JARID2: variants seen among roughly 807,000 people sequenced by gnomAD.
The protein encoded by JARID2 is jumonji and AT-rich interaction domain containing 2, also known as protein Jumonji.
JARID2 carries 21 observed loss-of-function variants against 125.6 expected under a neutral mutation model. The observed-to-expected ratio is 0.17, with a 90% confidence interval of 0.12 to 0.24. The LOEUF is 0.24. Ranked by LOEUF, JARID2 falls within the 10% of genes least tolerant of loss-of-function variation. JARID2 has a pLI of 1.00. For missense variants in JARID2, 1,303 were observed against 1,639.6 expected (o/e 0.79, Z 3.55); for synonymous variants, 736 against 661.6 (o/e 1.11, Z -1.73).
intron 8 of JARID2, among the ~76,000 whole-genome samples, chr6:15,503,369 A>G (rs1241437165): frequency 1.3e-5 from 2 of 152,202 alleles, no homozygotes; most frequent in Admixed American, 6.5e-5. Flanking sequence ...AACCCCATCT[A>G]GTTCCTTTGC....
chr6:15,393,732 A>G (rs927895367), intron 2 of JARID2, among the ~76,000 whole-genome samples: 1 of 152,232 alleles, frequency 6.6e-6, no homozygotes, highest in Non-Finnish European at 1.5e-5. Flanking sequence ...GATTACTGGT[A>G]TATTGGGACT....
At chr6:15,271,313 G>A (rs1205059542) in intron 1 of JARID2, among the ~76,000 whole-genome samples, 1 of 152,180 alleles carries the variant, frequency 6.6e-6, no homozygotes, top group African/African-American at 2.4e-5. Context: ...CAGGACTGAA[G>A]TGGGGCCTAG....
chr6:15,517,462 T>G (rs954858746), intron 17 of JARID2, among the ~76,000 whole-genome samples, 194 bp downstream of exon 17: 4 of 152,208 alleles, frequency 2.6e-5, no homozygotes, highest in Non-Finnish European at 4.4e-5. Flanking sequence ...GCGGGGTTCC[T>G]GCACGGGCAT....
intron 5 of JARID2, among the ~76,000 whole-genome samples, chr6:15,475,573 C>T (rs1339424292): frequency 1.3e-5 from 2 of 152,246 alleles, no homozygotes; most frequent in African/African-American, 2.4e-5. Flanking sequence ...GACAAGGCAC[C>T]TGAGCCAGGC....
At chr6:15,441,691 C>T (rs993488281) in intron 3 of JARID2, among the ~76,000 whole-genome samples, 6 of 152,162 alleles carry the variant, frequency 3.9e-5, no homozygotes, top group Admixed American at 2.6e-4. Context: ...AGGACCTCAC[C>T]TACCGCACAA....
chr6:15,516,223 G>A (rs1042621688), intron 16 of JARID2, among the ~76,000 whole-genome samples: 9 of 152,138 alleles, frequency 5.9e-5, no homozygotes, highest in African/African-American at 1.9e-4. Flanking sequence ...TAGAAACACC[G>A]CAGACGAAAA....
chr6:15,430,175 A>G (rs538225811), intron 3 of JARID2, among the ~76,000 whole-genome samples: 8 of 152,366 alleles, frequency 5.3e-5, no homozygotes, highest in Non-Finnish European at 1.2e-4. Flanking sequence ...TAAGGATGCC[A>G]TTAAATATAT....
intron 5 of JARID2, among the ~76,000 whole-genome samples, chr6:15,475,830 A>G (rs1769316520): frequency 6.6e-6 from 1 of 152,332 alleles, no homozygotes; most frequent in South Asian, 2.1e-4. Context: ...GAGGCAGATG[A>G]TCTTCGTGTC....
intron 1 of JARID2, among the ~76,000 whole-genome samples, chr6:15,257,847 CCT>C (rs1561750960): frequency 6.6e-6 from 1 of 152,144 alleles, no homozygotes; most frequent in Non-Finnish European, 1.5e-5. Flanking sequence ...CTTCCTGTGT[CCT>C]CTCTCAGGGC....
rs138705934 is a variant in JARID2 at position 15,417,037 on chromosome 6, G to T, written c.323+6672G>T. 4.3e-3 allele frequency among the ~76,000 whole-genome samples: 653 copies of T among 152,220 alleles called. 3 individuals are homozygous for T. Among genetic ancestry groups the T allele is most frequent in the African/African-American group, 0.015 (622 of 41,514 alleles). ...ATAATGTACAGTTAATTTGGTGATG[G>T]TATATTTTTAGATGCAAGTAAATAC... On this transcript the variant is annotated intron_variant, in intron 3 of 17. Coordinates refer to ENST00000341776, the MANE Select transcript of JARID2 (RefSeq NM_004973.4).
rs775476814 is a variant in JARID2 at position 15,511,338 on chromosome 6, G to C, written c.2889G>C (p.Val963=). The change falls in exon 13 of 18, where the codon GTG becomes GTC. Residue 963 remains valine, a synonymous_variant. Coordinates refer to ENST00000341776, the MANE Select transcript of JARID2 (RefSeq NM_004973.4). ...AGGAGGAGAACAAGCTGGAAGATGT[G>C]GTCCACACCCTGCTGCAAGCCAATG... ...PAEEENKLED[V]VHTLLQANGT... 1.9e-6 allele frequency: 3 copies of C among 1,613,920 alleles called. No individual in the cohort carries two copies. The highest frequency in any genetic ancestry group is 3.3e-5 in the Admixed American group (2 of 60,014).
At chr6:15,290,417 G>T (rs1761161328) in intron 1 of JARID2, among the ~76,000 whole-genome samples, 1 of 152,118 alleles carries the variant, frequency 6.6e-6, no homozygotes, top group African/African-American at 2.4e-5. Context: ...TAATTGCTGG[G>T]CCATAAAGTA....
chr6:15,426,620 G>A (rs959187540), intron 3 of JARID2, among the ~76,000 whole-genome samples: 1 of 152,222 alleles, frequency 6.6e-6, no homozygotes, highest in African/African-American at 2.4e-5. Flanking sequence ...AATGGATGTG[G>A]ACTGACAGCA....
intron 3 of JARID2, among the ~76,000 whole-genome samples, chr6:15,437,409 C>T (rs1255578326): frequency 6.6e-6 from 1 of 152,150 alleles, no homozygotes; most frequent in African/African-American, 2.4e-5. Context: ...GCCTCAGCTC[C>T]TTATGCACTG....
chr6:15,349,871 A>T (rs773644601), intron 1 of JARID2, among the ~76,000 whole-genome samples: 76 of 152,236 alleles, frequency 5.0e-4, no homozygotes, highest in Non-Finnish European at 1.0e-3. Context: ...TGGAGATGAG[A>T]CGGACACCGT....
chr6:15,270,946 A>C (rs866236781), intron 1 of JARID2, among the ~76,000 whole-genome samples: 11 of 152,040 alleles, frequency 7.2e-5, no homozygotes, highest in African/African-American at 2.4e-4. Context: ...CTCTCAAAAA[A>C]AAAAAGGAGA....
chr6:15,357,674 A>G (rs746817187), intron 1 of JARID2, among the ~76,000 whole-genome samples: 3 of 152,230 alleles, frequency 2.0e-5, no homozygotes, highest in African/African-American at 2.4e-5. Context: ...TAATCAAAAT[A>G]TAGAAAAATA....
At chr6:15,365,416 ATGAGCG>A (rs1171196007) in intron 1 of JARID2, among the ~76,000 whole-genome samples, 4 of 152,296 alleles carry the variant, frequency 2.6e-5, no homozygotes, top group Non-Finnish European at 5.9e-5. Context: ...CCCTTTAACC[ATGAGCG>A]TGCGGACGTC....
chr6:15,366,762 T>A (rs1044286926), intron 1 of JARID2, among the ~76,000 whole-genome samples: 21 of 151,990 alleles, frequency 1.4e-4, no homozygotes, highest in Non-Finnish European at 1.3e-4. Context: ...AGGATTGTTT[T>A]TTTGCAGCAC....
Sources: gnomAD v4.1 joint callset for allele counts (sites outside exome capture counted in the v4.1 genomes callset) on GRCh38, gnomAD v4.1.1 for gene constraint, MANE v1.5 for transcripts, NCBI Gene and HGNC (gene_info 2026-07-23, HGNC 2026-07-21) for gene names.